Variants in ATAD2B observed in about 807,000 individuals in gnomAD.
ATAD2B encodes the protein ATPase family AAA domain containing 2B, also known as ATPase family AAA domain-containing protein 2B.
A neutral mutation model predicts 167.6 loss-of-function variants in ATAD2B; 40 were observed. The ratio of observed to expected loss-of-function variants is 0.24; its 90% confidence interval spans 0.19 to 0.31. ATAD2B has a LOEUF of 0.31. ATAD2B is among the 10% of genes least tolerant of loss of function. ATAD2B has a pLI of 1.00. For synonymous variants in ATAD2B, 579 were observed against 596.5 expected (o/e 0.97, Z 0.43); for missense variants, 1,242 against 1,757.2 (o/e 0.71, Z 5.24).
chr2:23,862,401 G>T (rs1235071529), intron 12 of ATAD2B, among the ~76,000 whole-genome samples: 3 of 99,438 alleles, frequency 3.0e-5, no homozygotes, highest in African/African-American at 4.0e-5. Flanking sequence ...ATTTGGACTG[G>T]TTTTTTTTTT....
At chr2:23,717,935 CAG>C in the ATAD2B span, among the ~76,000 whole-genome samples, 3 of 152,042 alleles carry the variant, frequency 2.0e-5, no homozygotes, top group African/African-American at 7.2e-5. Flanking sequence ...AAGGATGTAA[CAG>C]TGAATAAAAA....
At chr2:23,861,687 A>AT (rs1694395580) in intron 12 of ATAD2B, among the ~76,000 whole-genome samples, 1 of 152,202 alleles carries the variant, frequency 6.6e-6, no homozygotes, top group South Asian at 2.1e-4. Flanking sequence ...TAACTTTAAA[A>AT]TTTTTAAATT....
At chr2:23,854,577 C>T (rs1693065689) in intron 13 of ATAD2B, among the ~76,000 whole-genome samples, 1 of 151,680 alleles carries the variant, frequency 6.6e-6, no homozygotes, top group Non-Finnish European at 1.5e-5. Flanking sequence ...ACTCGGGGGG[C>T]CAAGGCAGGA....
intron 7 of ATAD2B, among the ~76,000 whole-genome samples, chr2:23,876,651 C>G (rs368254994): frequency 6.6e-6 from 1 of 152,136 alleles, no homozygotes; most frequent in African/African-American, 2.4e-5. Context: ...GTACCAAATG[C>G]TGTCTAGAAG....
At chr2:23,800,825 A>C (rs1683376272) in intron 18 of ATAD2B, among the ~76,000 whole-genome samples, 1 of 152,114 alleles carries the variant, frequency 6.6e-6, no homozygotes. Flanking sequence ...TGATTAAAAA[A>C]AAAATTTATA....
the ATAD2B span, among the ~76,000 whole-genome samples, chr2:23,716,011 C>T: frequency 3.3e-5 from 5 of 152,164 alleles, no homozygotes; most frequent in Admixed American, 3.3e-4. Flanking sequence ...AAGGGATGTT[C>T]TGTTTGCAAA....
chr2:23,803,658 A>T (rs1173529326), intron 18 of ATAD2B, among the ~76,000 whole-genome samples: 1 of 152,248 alleles, frequency 6.6e-6, no homozygotes, highest in East Asian at 1.9e-4. Context: ...TGATAATATT[A>T]ATCAATAGCT....
Position 23,926,972 on chromosome 2 carries a change from G to C in ATAD2B, c.-202C>G, listed in dbSNP as rs894781976. 2 of 604,918 alleles carry C rather than the reference G, an allele frequency of 3.3e-6. No homozygotes were observed. Among genetic ancestry groups the C allele is most frequent in the Non-Finnish European group, 2.7e-6 (1 of 370,906 alleles). The allele number at this position is 604,918 out of a possible 1,614,324, so 37.5% of individuals were successfully genotyped here. A position where few individuals can be genotyped will look rare whatever the true frequency, so the allele number is the denominator to read the frequency against. On this transcript the variant is annotated 5_prime_UTR_variant, in exon 1 of 28. Coordinates refer to ENST00000238789, the MANE Select transcript of ATAD2B (RefSeq NM_017552.4). The stretch of plus-strand genomic sequence containing the variant: ...CGTGAGCAGGCGGCGTGCGGGAAGC[G>C]GGGGCGGTGCTGCAGACCGGCAGCA...
At chr2:23,706,718 C>T in the ATAD2B span, 28 of 1,320,462 alleles carry the variant, frequency 2.1e-5, no homozygotes, top group Non-Finnish European at 2.4e-5. Context: ...AGGCAAGTGC[C>T]ACGCAATGAT....
the ATAD2B span, among the ~76,000 whole-genome samples, chr2:23,715,654 A>G: frequency 6.6e-6 from 1 of 152,204 alleles, no homozygotes; most frequent in African/African-American, 2.4e-5. Context: ...ATAGACAGCT[A>G]AAGTTGCATC....
At chr2:23,753,710 A>T (rs575104100) in intron 27 of ATAD2B, among the ~76,000 whole-genome samples, 149 of 152,278 alleles carry the variant, frequency 9.8e-4, no homozygotes, top group African/African-American at 3.5e-3. Context: ...GACCAAAATA[A>T]GATGACTTTT....
chr2:23,814,642 G>T (rs1385409716), intron 17 of ATAD2B, among the ~76,000 whole-genome samples: 1 of 152,164 alleles, frequency 6.6e-6, no homozygotes, highest in African/African-American at 2.4e-5. Context: ...TTGTTTGTTT[G>T]TTTTGAAGTA....
intron 1 of ATAD2B, among the ~76,000 whole-genome samples, chr2:23,918,394 T>C (rs901268401): frequency 7.9e-5 from 12 of 151,790 alleles, no homozygotes; most frequent in Admixed American, 7.2e-4. Flanking sequence ...ATACTACATA[T>C]ATGCCTACTA....
the ATAD2B span, among the ~76,000 whole-genome samples, chr2:23,742,382 T>A: frequency 6.9e-6 from 1 of 145,160 alleles, no homozygotes; most frequent in Admixed American, 7.0e-5. Context: ...CCATAAAAAA[T>A]GATGAGTTCA....
the ATAD2B span, among the ~76,000 whole-genome samples, chr2:23,713,433 A>C: frequency 0.011 from 1,631 of 151,884 alleles, 15 homozygotes; most frequent in Middle Eastern, 0.031. Flanking sequence ...CTTTATTGAC[A>C]TATAATTCAC....
chr2:23,822,917 C>CAAAAAAAAA (rs33911389), intron 16 of ATAD2B, among the ~76,000 whole-genome samples: 3 of 66,308 alleles, frequency 4.5e-5, no homozygotes, highest in Non-Finnish European at 7.8e-5. Context: ...AACTCCATCT[C>CAAAAAAAAA]AAAAAAAAAA....
chr2:23,867,687 G>T lies in ATAD2B; in HGVS notation c.1188+148C>A. 8.7e-6 allele frequency: 5 copies of T among 577,154 alleles called. No individual in the cohort carries two copies. In the South Asian group the frequency reaches 1.2e-4, roughly 13 times the overall value. 35.8% of individuals were successfully genotyped at this position (577,154 alleles called of 1,614,324 possible). A position where few individuals can be genotyped will look rare whatever the true frequency, so the allele number is the denominator to read the frequency against. On this transcript the variant is annotated intron_variant, in intron 10 of 27. Transcript: ENST00000238789. ...AATATCTGACTAAGCACCACTTGTG[G>T]CTAGGGTTCTTAGGTTTCAAAACAT...
chr2:23,808,810 A>G (rs1046284475), intron 18 of ATAD2B, among the ~76,000 whole-genome samples: 1 of 152,058 alleles, frequency 6.6e-6, no homozygotes, highest in Non-Finnish European at 1.5e-5. Flanking sequence ...TTCATTTGTA[A>G]TAGTTTCTTT....
At chr2:23,869,399 C>T (rs1695590846) in intron 9 of ATAD2B, among the ~76,000 whole-genome samples, 1 of 152,158 alleles carries the variant, frequency 6.6e-6, no homozygotes, top group African/African-American at 2.4e-5. Context: ...AAAAGACAGA[C>T]ACTGCCATAT....
Sources: gnomAD v4.1 joint callset for allele counts (sites outside exome capture counted in the v4.1 genomes callset) on GRCh38, gnomAD v4.1.1 for gene constraint, MANE v1.5 for transcripts, NCBI Gene and HGNC (gene_info 2026-07-23, HGNC 2026-07-21) for gene names.